The following ZNF592 variants were observed in gnomAD, a reference collection of about 807,000 sequenced individuals.
ZNF592 encodes spinocerebellar ataxia, autosomal recessive 5.
ZNF592 carries 11 observed loss-of-function variants against 80.3 expected under a neutral mutation model. The observed-to-expected ratio is 0.14, with a 90% CI of 0.09 to 0.23. The LOEUF (loss-of-function observed/expected upper bound fraction) is 0.23, where lower values mean the gene tolerates loss of function less well. Ranked by LOEUF, ZNF592 falls within the 10% of genes least tolerant of loss-of-function variation. The pLI is 1.00. For missense variants in ZNF592, 1,420 were observed against 1,633.9 expected (o/e 0.87, Z 2.26); for synonymous variants, 646 against 640.3 (o/e 1.01, Z -0.13).
chr15:84,797,813 T>A, intron 5 of ZNF592, 56 bp from the exon 6 acceptor site: 2 of 1,601,224 alleles, frequency 1.2e-6, no homozygotes, highest in Non-Finnish European at 1.7e-6. Flanking sequence ...GCACCACCTC[T>A]GGGTCCAGTA....
intron 4 of ZNF592, among the ~76,000 whole-genome samples, chr15:84,786,074 G>A (rs1038669235): frequency 3.7e-4 from 57 of 152,124 alleles, no homozygotes; most frequent in Admixed American, 7.2e-4. Context: ...CTTCAGTTCA[G>A]CCAGGGTTCT....
intron 5 of ZNF592, among the ~76,000 whole-genome samples, chr15:84,796,842 T>C (rs953143551): frequency 6.6e-6 from 1 of 152,154 alleles, no homozygotes; most frequent in Non-Finnish European, 1.5e-5. Flanking sequence ...GAGTATAGTA[T>C]AGTACCAGCC....
In ZNF592 at chr15:84,798,631, T is replaced by G; in HGVS notation, c.2780T>G (p.Leu927Arg). 6.2e-7 allele frequency: 1 copy of G among 1,613,994 alleles called. No homozygotes were observed. The highest frequency in any genetic ancestry group is 8.5e-7 in the Non-Finnish European group (1 of 1,180,016). Residue 927 changes from leucine to arginine, a missense_variant, in exon 8 of 11, where the codon CTC becomes CGC. Physicochemically the swap from Leu to Arg is moderately radical, Grantham distance 102 (BLOSUM62 -2). Transcript: ENST00000560079. This position sits in a 1 kb window ranked among gnomAD's most constrained non-coding sequence, Gnocchi z 4.5. ...CGAAATGTGGACGAGCTGTCAAGCC[T>G]CCAGTCTTCAGCGGACACATCCTCA... ...VPRNVDELSS[L>R]QSSADTSSSR...
chr15:84,754,705 A>T lies in ZNF592; in HGVS notation c.-259+6041A>T, dbSNP rs951389207. ...GCAACATTGAAAGACCCCGTCTCTT[A>T]AAAAAAAAAAAAAAAAGAGAGGTAA... is the stretch of plus-strand genomic sequence containing the variant. On this transcript the variant is annotated intron_variant, in intron 1 of 10. Transcript: ENST00000560079. Among the ~76,000 whole-genome samples the T allele has an allele frequency of 6.0e-5, 7 of 116,850 alleles. No homozygotes were observed. In the South Asian group the frequency reaches 1.5e-3, roughly 25 times the overall value. 76.7% of individuals were successfully genotyped at this position (116,850 alleles called of 152,430 possible).
chr15:84,760,052 TAGAC>T (rs1310993402), intron 1 of ZNF592, among the ~76,000 whole-genome samples: 1 of 149,112 alleles, frequency 6.7e-6, no homozygotes, highest in Non-Finnish European at 1.5e-5. Flanking sequence ...TTCCTAATGA[TAGAC>T]AGTTGAGATG....
rs144379571 is a variant in ZNF592 at position 84,794,393 on chromosome 15, T to C, written c.2400-3476T>C. ...CCTTGCCAACACTTGTTATTGTCTT[T>C]TTGATTGTAACCATCCTTATGGGTG... On this transcript the variant is annotated intron_variant, in intron 5 of 10. Coordinates refer to ENST00000560079, the MANE Select transcript of ZNF592 (RefSeq NM_014630.3). 3.9e-3 allele frequency among the ~76,000 whole-genome samples: 601 copies of C among 152,344 alleles called. 2 individuals carry two copies. The highest frequency in any genetic ancestry group is 0.014 in the African/African-American group (571 of 41,584).
At chr15:84,785,865 T>TAA (rs35020131) in intron 4 of ZNF592, among the ~76,000 whole-genome samples, 41 of 140,292 alleles carry the variant, frequency 2.9e-4, no homozygotes, top group Non-Finnish European at 4.6e-4. Context: ...GAGATTCATT[T>TAA]AAAAAAAAAA....
At chr15:84,776,029 A>G (rs944488285) in intron 2 of ZNF592, among the ~76,000 whole-genome samples, 1 of 152,262 alleles carries the variant, frequency 6.6e-6, no homozygotes, top group Non-Finnish European at 1.5e-5. Flanking sequence ...ATATTGTTAC[A>G]TAATTCCACT....
At chr15:84,760,495 G>T (rs1277216981) in intron 1 of ZNF592, among the ~76,000 whole-genome samples, 2 of 152,302 alleles carry the variant, frequency 1.3e-5, no homozygotes, top group South Asian at 4.1e-4. Flanking sequence ...TGGATTATCA[G>T]CTCTACATGG....
chr15:84,782,782 A>G lies in ZNF592; in HGVS notation c.107A>G (p.Glu36Gly), dbSNP rs777705382. ...GAGGCCATCCAGACACCCAGTGAGG[A>G]GAATGAGAGTCCCCTCAAACCTCCA... The part of the protein sequence containing the change: ...AKEAIQTPSE[E>G]NESPLKPPGI... The change falls in exon 4 of 11, where the codon GAG (glutamate) becomes GGG (glycine). Residue 36 changes from glutamate to glycine, a missense_variant. Coordinates refer to ENST00000560079, the MANE Select transcript of ZNF592 (RefSeq NM_014630.3). 1.2e-6 allele frequency: 2 copies of G among 1,614,100 alleles called. No homozygotes were observed. Among genetic ancestry groups the G allele is most frequent in the Non-Finnish European group, 1.7e-6 (2 of 1,180,022 alleles).
At chr15:84,779,381 G>A (rs1316987926) in intron 3 of ZNF592, among the ~76,000 whole-genome samples, 1 of 152,116 alleles carries the variant, frequency 6.6e-6, no homozygotes, top group Non-Finnish European at 1.5e-5. Context: ...ACATGGTAGA[G>A]TACCTTATTC....
intron 5 of ZNF592, among the ~76,000 whole-genome samples, chr15:84,796,260 A>C (rs1962910629): frequency 3.6e-5 from 1 of 27,696 alleles, no homozygotes; most frequent in African/African-American, 1.9e-4. Flanking sequence ...ATATATATAT[A>C]TATATTTTAT....
intron 4 of ZNF592, among the ~76,000 whole-genome samples, chr15:84,785,434 C>T (rs1567071489): frequency 1.3e-5 from 2 of 152,124 alleles, no homozygotes. Flanking sequence ...GCCTCAGCCT[C>T]CCAAGTAGCT....
chr15:84,777,694 C>CTTTTTTTTT (rs397854471), intron 2 of ZNF592, among the ~76,000 whole-genome samples: 5 of 98,414 alleles, frequency 5.1e-5, no homozygotes, highest in African/African-American at 1.5e-4. Context: ...TGTTGAGATA[C>CTTTTTTTTT]TTTTTTTTTT....
chr15:84,763,885 A>T (rs192814258), intron 1 of ZNF592, among the ~76,000 whole-genome samples: 2 of 152,220 alleles, frequency 1.3e-5, no homozygotes, highest in Non-Finnish European at 2.9e-5. Flanking sequence ...AGTCAATTAA[A>T]TCTGAATCTT....
At chr15:84,762,984 T>G (rs970798332) in intron 1 of ZNF592, among the ~76,000 whole-genome samples, 2 of 152,204 alleles carry the variant, frequency 1.3e-5, no homozygotes, top group African/African-American at 4.8e-5. Flanking sequence ...CTAAGTTGTG[T>G]CATCATTATG....
chr15:84,753,962 G>A (rs540105497), intron 1 of ZNF592, among the ~76,000 whole-genome samples: 2 of 152,316 alleles, frequency 1.3e-5, no homozygotes, highest in East Asian at 3.9e-4. Flanking sequence ...GGTGTAGGAT[G>A]TGTTATCCAT....
chr15:84,752,002 T>A (rs1323605768), intron 1 of ZNF592, among the ~76,000 whole-genome samples: 1 of 151,412 alleles, frequency 6.6e-6, no homozygotes, highest in African/African-American at 2.4e-5. Flanking sequence ...CCTCAAGTGA[T>A]CCTCCCACCT....
chr15:84,753,733 A>G (rs1050367332), intron 1 of ZNF592, among the ~76,000 whole-genome samples: 2 of 152,196 alleles, frequency 1.3e-5, no homozygotes, highest in African/African-American at 2.4e-5. Context: ...TTGGCCTCCT[A>G]AAGTGCTGGG....
Sources: allele counts gnomAD v4.1 joint callset (sites outside exome capture counted in the v4.1 genomes callset), GRCh38; gene constraint gnomAD v4.1.1; non-coding constraint Gnocchi (gnomAD v3.1); transcripts MANE v1.5; gene names NCBI Gene and HGNC (gene_info 2026-07-23, HGNC 2026-07-21).